Variants in LRRC4C observed in about 807,000 individuals in gnomAD.
LRRC4C encodes leucine-rich repeat-containing protein 4C.
A neutral mutation model predicts 33.6 loss-of-function variants in LRRC4C; 5 were observed. The observed-to-expected ratio is 0.15, with a 90% confidence interval of 0.08 to 0.31. The LOEUF (loss-of-function observed/expected upper bound fraction) is 0.31. Ranked by LOEUF, LRRC4C falls within the 10% of genes least tolerant of loss-of-function variation. The probability of loss-of-function intolerance (pLI) is 1.00; values close to 1 mark genes in which losing one functional copy is unlikely to be tolerated. For missense variants in LRRC4C, 560 were observed against 796.7 expected (o/e 0.70, Z 3.58); for synonymous variants, 329 against 302.0 (o/e 1.09, Z -0.93).
intron 3 of LRRC4C, among the ~76,000 whole-genome samples, chr11:40,522,942 G>A (rs2135242819): frequency 6.6e-6 from 1 of 152,158 alleles, no homozygotes; most frequent in East Asian, 1.9e-4. Context: ...TTTTGTTTAT[G>A]CAGTCATCTA....
chr11:40,851,676 A>G (rs1466249005), intron 2 of LRRC4C, among the ~76,000 whole-genome samples: 1 of 152,204 alleles, frequency 6.6e-6, no homozygotes, highest in African/African-American at 2.4e-5. Context: ...GCTACTCAGG[A>G]GGCTGAGCCA....
At chr11:40,670,803 G>T (rs543673783) in intron 2 of LRRC4C, among the ~76,000 whole-genome samples, 3 of 152,016 alleles carry the variant, frequency 2.0e-5, no homozygotes, top group African/African-American at 4.8e-5. Context: ...TCGCTCTGTC[G>T]CCCAGGCTGG....
chr11:40,458,397 G>A (rs1045605226), intron 3 of LRRC4C, among the ~76,000 whole-genome samples: 1 of 152,132 alleles, frequency 6.6e-6, no homozygotes, highest in Non-Finnish European at 1.5e-5. Flanking sequence ...CTGACCTACT[G>A]AAAAATATCC....
chr11:40,412,359 T>C (rs1950184413), intron 3 of LRRC4C, among the ~76,000 whole-genome samples: 1 of 152,080 alleles, frequency 6.6e-6, no homozygotes, highest in African/African-American at 2.4e-5. Flanking sequence ...ACAGTTACTG[T>C]CTCCCTTAGT....
chr11:40,861,910 G>T (rs1954122708), intron 2 of LRRC4C, among the ~76,000 whole-genome samples: 1 of 152,178 alleles, frequency 6.6e-6, no homozygotes, highest in South Asian at 2.1e-4. Context: ...TTACAATGGG[G>T]AGGAGCCAAG....
At chr11:41,014,153 T>G (rs531749086) in intron 1 of LRRC4C, among the ~76,000 whole-genome samples, 2 of 152,248 alleles carry the variant, frequency 1.3e-5, no homozygotes, top group South Asian at 2.1e-4. Flanking sequence ...CTAAAGGCAT[T>G]AATCTCACTT....
At chr11:40,313,344 G>A (rs1945407128) in intron 4 of LRRC4C, among the ~76,000 whole-genome samples, 1 of 151,932 alleles carries the variant, frequency 6.6e-6, no homozygotes. Flanking sequence ...CACAGGGCCA[G>A]TGAACAGAAT....
At chr11:40,450,952 T>A (rs1008290847) in intron 3 of LRRC4C, among the ~76,000 whole-genome samples, 1 of 151,776 alleles carries the variant, frequency 6.6e-6, no homozygotes, top group Non-Finnish European at 1.5e-5. Flanking sequence ...TTAGATAATA[T>A]CTTGAGGTAA....
At chr11:41,148,047 C>G (rs1169768555) in intron 1 of LRRC4C, among the ~76,000 whole-genome samples, 1 of 151,928 alleles carries the variant, frequency 6.6e-6, no homozygotes, top group Non-Finnish European at 1.5e-5. Context: ...GAGACAGAGT[C>G]TCACTTTGTT....
intron 3 of LRRC4C, among the ~76,000 whole-genome samples, chr11:40,423,206 AAC>A (rs1457715200): frequency 2.0e-5 from 3 of 152,150 alleles, no homozygotes; most frequent in Non-Finnish European, 4.4e-5. Context: ...AGAAAGTGAT[AAC>A]ACAGATTAAA....
chr11:40,604,272 C>T, intron 3 of LRRC4C, among the ~76,000 whole-genome samples: 1 of 152,146 alleles, frequency 6.6e-6, no homozygotes, highest in African/African-American at 2.4e-5. Flanking sequence ...TTCCTCCTAT[C>T]TTCTCTTCTC....
chr11:41,197,960 CT>C (rs1301935176), intron 1 of LRRC4C, among the ~76,000 whole-genome samples: 9 of 151,898 alleles, frequency 5.9e-5, no homozygotes, highest in African/African-American at 2.2e-4. Context: ...GCCATCACCC[CT>C]GTTGTTATCA....
In LRRC4C at chr11:40,461,677, T is replaced by A. The variant is rs138349363; in HGVS notation, c.-269-141956A>T. Among the ~76,000 whole-genome samples, 153 of 148,700 alleles carry A rather than the reference T, an allele frequency of 1.0e-3. 3 individuals are homozygous for A. In the East Asian group the frequency reaches 0.024, roughly 23 times the overall value. On this transcript the variant is annotated intron_variant, in intron 3 of 6. Coordinates refer to ENST00000528697, the MANE Select transcript of LRRC4C (RefSeq NM_001258419.2). ...TTGTAAACTATATACAAATTATATA[T>A]ATATTATATAATAATCTTCTTTTAT...
chr11:40,976,490 T>C (rs1852092669), intron 1 of LRRC4C, among the ~76,000 whole-genome samples: 2 of 152,210 alleles, frequency 1.3e-5, no homozygotes, highest in Non-Finnish European at 2.9e-5. Context: ...GTGATGCTAC[T>C]GGTGATCAAA....
At chr11:41,296,458 G>A (rs1165514616) in intron 1 of LRRC4C, among the ~76,000 whole-genome samples, 1 of 151,960 alleles carries the variant, frequency 6.6e-6, no homozygotes, top group Non-Finnish European at 1.5e-5. Context: ...GGGATTACAG[G>A]CACTCACCAC....
intron 2 of LRRC4C, among the ~76,000 whole-genome samples, chr11:40,695,892 T>A (rs1945477258): frequency 6.6e-6 from 1 of 151,922 alleles, no homozygotes; most frequent in East Asian, 1.9e-4. Flanking sequence ...CTTCATAGTC[T>A]TTTTTTCCAT....
intron 3 of LRRC4C, among the ~76,000 whole-genome samples, chr11:40,467,490 G>T (rs1360951933): frequency 6.6e-6 from 1 of 152,120 alleles, no homozygotes; most frequent in Admixed American, 6.5e-5. Context: ...AGGAGGGAAA[G>T]AAGAGGGAAG....
intron 1 of LRRC4C, among the ~76,000 whole-genome samples, chr11:40,944,929 C>A (rs1428316245): frequency 6.6e-6 from 1 of 151,906 alleles, no homozygotes; most frequent in Non-Finnish European, 1.5e-5. Context: ...TAGGTATTCT[C>A]ATGCCACTAT....
intron 1 of LRRC4C, among the ~76,000 whole-genome samples, chr11:41,258,965 C>T (rs898397255): frequency 3.3e-5 from 5 of 151,968 alleles, no homozygotes; most frequent in Non-Finnish European, 7.4e-5. Context: ...GTAAATTAAG[C>T]AACATGGCTT....
Sources: allele counts gnomAD v4.1 joint callset (sites outside exome capture counted in the v4.1 genomes callset), GRCh38; gene constraint gnomAD v4.1.1; transcripts MANE v1.5; gene names NCBI Gene and HGNC (gene_info 2026-07-23, HGNC 2026-07-21).